SIPA1L2: variants seen among roughly 807,000 people sequenced by gnomAD.
SIPA1L2 encodes the protein signal-induced proliferation-associated 1-like protein 2.
SIPA1L2 carries 56 observed loss-of-function variants against 163.9 expected under a neutral mutation model. The observed-to-expected ratio is 0.34, with a 90% CI of 0.28 to 0.43. The LOEUF is 0.43. Among genes scored for constraint, SIPA1L2 ranks in the 20% least tolerant of loss-of-function variants. The pLI is 1.00. For missense variants in SIPA1L2, 1,974 were observed against 2,193.5 expected (o/e 0.90, Z 2.00); for synonymous variants, 877 against 865.7 (o/e 1.01, Z -0.23).
intron 10 of SIPA1L2, among the ~76,000 whole-genome samples, chr1:232,457,737 A>G (rs1664007847): frequency 6.6e-6 from 1 of 152,194 alleles, no homozygotes; most frequent in Admixed American, 6.5e-5. Flanking sequence ...CCTCCTCTAC[A>G]GTTTCTTAAC....
chr1:232,413,550 T>C (rs961490396), intron 19 of SIPA1L2, among the ~76,000 whole-genome samples: 2 of 152,194 alleles, frequency 1.3e-5, no homozygotes, highest in African/African-American at 4.8e-5. Context: ...GATCACAAAA[T>C]GCAAAAGGAT....
intron 1 of SIPA1L2, among the ~76,000 whole-genome samples, chr1:232,621,715 C>T (rs1312408763): frequency 6.6e-6 from 1 of 151,786 alleles, no homozygotes; most frequent in Non-Finnish European, 1.5e-5. Flanking sequence ...GTCTCCTTCA[C>T]TTATTCTTGT....
intron 3 of SIPA1L2, among the ~76,000 whole-genome samples, chr1:232,495,785 T>C (rs963294452): frequency 2.0e-5 from 3 of 152,086 alleles, no homozygotes; most frequent in Admixed American, 2.0e-4. Context: ...CAGATGTCAT[T>C]ACATGGGAAT....
At chr1:232,510,278 G>A (rs923092351) in intron 3 of SIPA1L2, among the ~76,000 whole-genome samples, 3 of 151,924 alleles carry the variant, frequency 2.0e-5, no homozygotes, top group Non-Finnish European at 2.9e-5. Context: ...GATTGTGTAA[G>A]TATACTCTAT....
Position 232,471,425 on chromosome 1 carries a change from T to C in SIPA1L2, c.2189A>G (p.His730Arg), listed in dbSNP as rs1380102241. The C allele has an allele frequency of 1.2e-6, 2 of 1,614,108 alleles. No individual in the cohort carries two copies. Among genetic ancestry groups the C allele is most frequent in the Non-Finnish European group, 1.7e-6 (2 of 1,179,976 alleles). Residue 730 changes from histidine (H) to arginine (R), a missense_variant, in exon 8 of 23, where the codon CAT becomes CGT. Physicochemically the swap from His to Arg is conservative, Grantham distance 29 (BLOSUM62 0). This residue lies in a region of SIPA1L2 where 288 missense variants were observed against 418.9 expected (regional missense o/e 0.69). Coordinates refer to ENST00000674635, the MANE Select transcript of SIPA1L2 (RefSeq NM_020808.5). ...TPKSIRSHFQ[H>R]VFVIVKVHNP... ...ATGCACTTTGACTATGACAAAGACA[T>C]GCTGAAAGTGAGACCGGATGCTTTT...
chr1:232,459,340 G>C (rs1327675896), intron 10 of SIPA1L2, among the ~76,000 whole-genome samples: 1 of 152,146 alleles, frequency 6.6e-6, no homozygotes, highest in Non-Finnish European at 1.5e-5. Flanking sequence ...GATCACTGTA[G>C]AAAGTGCTAA....
At position 232,439,163 on chromosome 1, in the gene SIPA1L2, C is replaced by T. The variant is rs776912747; in HGVS notation, c.3976G>A (p.Gly1326Ser). ...CCCATGCTGCCTTCCGCAGCACTGC[C>T]GGCGGAGATGGTGGACGCGTAGCCA... Reference protein sequence around the residue: ...VHGYASTISAGSAAEGSMGDL... With the variant: ...VHGYASTISASSAAEGSMGDL... The change falls in exon 15 of 23, where the codon GGC becomes AGC. Residue 1326 changes from glycine to serine, a missense_variant. Around this residue, in one of 3 missense-constraint regions of SIPA1L2, gnomAD observed 1,079 missense variants for 1,150.7 expected, o/e 0.94. Coordinates refer to ENST00000674635, the MANE Select transcript of SIPA1L2 (RefSeq NM_020808.5). 52 of 1,613,158 alleles carry T rather than the reference C, an allele frequency of 3.2e-5. No individual in the cohort carries two copies. The highest frequency in any genetic ancestry group is 3.9e-5 in the Non-Finnish European group (46 of 1,179,838).
chr1:232,546,444 TAA>T (rs1658035926), intron 2 of SIPA1L2, among the ~76,000 whole-genome samples: 2 of 152,168 alleles, frequency 1.3e-5, no homozygotes, highest in Admixed American at 1.3e-4. Context: ...TTCTGTCTAG[TAA>T]AAGATTTAAC....
chr1:232,480,156 T>TGTGTGTGC lies in SIPA1L2; in HGVS notation c.1982-427_1982-426insGCACACAC, dbSNP rs1553296480. On this transcript the variant is annotated intron_variant, in intron 6 of 22. Transcript: ENST00000674635. ...GGCCGCATCTGTGTGTGTGTGTGCG[T>TGTGTGTGC]GTGTGTGTGTGTGTGTGTGTGTGTG... Among the ~76,000 whole-genome samples, 152 of 104,284 alleles carry TGTGTGTGC rather than the reference T, an allele frequency of 1.5e-3. 2 individuals are homozygous for TGTGTGTGC. The highest frequency in any genetic ancestry group is 5.7e-3 in the African/African-American group (140 of 24,530). The allele number at this position is 104,284 out of a possible 152,430, so 68.4% of individuals were successfully genotyped here. A position where few individuals can be genotyped will look rare whatever the true frequency, so the allele number is the denominator to read the frequency against.
chr1:232,529,939 C>T (rs551076563), intron 2 of SIPA1L2, among the ~76,000 whole-genome samples: 16 of 152,310 alleles, frequency 1.1e-4, no homozygotes, highest in Admixed American at 2.6e-4. Context: ...ATTTCACCAT[C>T]AACCCCACAG....
intron 2 of SIPA1L2, among the ~76,000 whole-genome samples, chr1:232,529,155 C>T (rs1667855507): frequency 6.6e-6 from 1 of 152,144 alleles, no homozygotes; most frequent in African/African-American, 2.4e-5. Flanking sequence ...AGTTATGATA[C>T]ACAGGTGTCT....
In SIPA1L2 at chr1:232,464,784, T is replaced by C. The variant is rs1005149170; in HGVS notation, c.2820+56A>G. On this transcript the variant is annotated intron_variant, in intron 9 of 22. Transcript: ENST00000674635. ...TAGCAGTTCCCCAGTGAAAGTTATTTTGAATCTGGAATTGAAAACATAAGG... is the reference window on the plus strand; with the variant it reads ...TAGCAGTTCCCCAGTGAAAGTTATTCTGAATCTGGAATTGAAAACATAAGG... The C allele has an allele frequency of 9.9e-6, 14 of 1,415,582 alleles. No homozygotes were observed. In the African/African-American group the frequency reaches 1.7e-4, roughly 17 times the overall value. The allele number at this position is 1,415,582 out of a possible 1,614,324, so 87.7% of individuals were successfully genotyped here.
At chr1:232,578,752 G>A (rs757240741) in intron 1 of SIPA1L2, among the ~76,000 whole-genome samples, 32 of 152,088 alleles carry the variant, frequency 2.1e-4, no homozygotes, top group Non-Finnish European at 4.4e-4. Context: ...CAAACATCCT[G>A]TAAACAATTA....
chr1:232,551,928 C>CT (rs1271659777), intron 2 of SIPA1L2, among the ~76,000 whole-genome samples: 1 of 152,204 alleles, frequency 6.6e-6, no homozygotes, highest in African/African-American at 2.4e-5. Flanking sequence ...CAACCTCTGC[C>CT]TCCTGGGTTT....
At chr1:232,437,837 G>A (rs902373315) in intron 15 of SIPA1L2, among the ~76,000 whole-genome samples, 5 of 152,194 alleles carry the variant, frequency 3.3e-5, no homozygotes, top group South Asian at 2.1e-4. Context: ...ACAGACGAGC[G>A]TGACTGTGGG....
chr1:232,425,634 G>A lies in SIPA1L2; in HGVS notation c.4585C>T (p.Leu1529=). The part of the protein sequence containing the change: ...FSTTPPYHST[L]PPRAHPAPSM... Reference sequence around the variant, plus strand: ...GGTGCGGGGTGGGCCCGCGGAGGCAGCGTGCTGTGGTAGGGTGGGGTGGTG... The same window carrying A: ...GGTGCGGGGTGGGCCCGCGGAGGCAACGTGCTGTGGTAGGGTGGGGTGGTG... Residue 1529 remains leucine (L), a synonymous_variant, in exon 18 of 23, where the codon CTG becomes TTG. Coordinates refer to ENST00000674635, the MANE Select transcript of SIPA1L2 (RefSeq NM_020808.5). 6.2e-7 allele frequency: 1 copy of A among 1,611,598 alleles called. No homozygotes were observed. Among genetic ancestry groups the A allele is most frequent in the African/African-American group, 1.3e-5 (1 of 75,012 alleles).
At chr1:232,448,210 G>A (rs1029866282) in intron 10 of SIPA1L2, among the ~76,000 whole-genome samples, 4 of 152,162 alleles carry the variant, frequency 2.6e-5, no homozygotes, top group South Asian at 2.1e-4. Context: ...AGTGCAAGGC[G>A]TACTCTTAAC....
At chr1:232,427,725 T>A (rs1255131948) in intron 17 of SIPA1L2, among the ~76,000 whole-genome samples, 1 of 152,242 alleles carries the variant, frequency 6.6e-6, no homozygotes, top group East Asian at 1.9e-4. Context: ...TATCGAGTAC[T>A]ACATTGTGAA....
chr1:232,471,672 A>C (rs1664809293), intron 7 of SIPA1L2, 144 bp from the exon 8 acceptor site: 1 of 676,618 alleles, frequency 1.5e-6, no homozygotes, highest in Admixed American at 3.8e-5. Flanking sequence ...AATTTGGCAT[A>C]GAAAAAGCAA....
Sources: gnomAD v4.1 joint callset for allele counts (sites outside exome capture counted in the v4.1 genomes callset) on GRCh38, gnomAD v4.1.1 for gene constraint, gnomAD v4.1.1 regional missense constraint, MANE v1.5 for transcripts, NCBI Gene and HGNC (gene_info 2026-07-23, HGNC 2026-07-21) for gene names.